DCDC1: variants seen among roughly 807,000 people sequenced by gnomAD.
The protein encoded by DCDC1 is doublecortin domain-containing protein 1.
DCDC1 carries 200 observed loss-of-function variants against 178.3 expected under a neutral mutation model. That is an observed-to-expected ratio of 1.12 (90% CI 1.00 to 1.26). The LOEUF is 1.26. Ranked by LOEUF, DCDC1 falls within the 50% of genes most tolerant of loss-of-function variation. The pLI is 0.00. For synonymous variants in DCDC1, 690 were observed against 604.8 expected, an observed-to-expected ratio of 1.14 and a Z score of -2.07; for missense variants, 1,983 against 1,749.2, an observed-to-expected ratio of 1.13 and a Z score of -2.38.
At chr11:30,882,693 A>T (rs1292566017) in intron 36 of DCDC1, 1 of 152,184 alleles carries the variant, frequency 6.6e-6, no homozygotes, top group East Asian at 1.9e-4. Flanking sequence ...TCTGTCTGTT[A>T]TCAAAAGATC....
At position 30,911,364 on chromosome 11, in the gene DCDC1, G is replaced by A. The variant is rs777697222; in HGVS notation, c.3710C>T (p.Thr1237Ile). The change falls in exon 28 of 39, where the codon ACT becomes ATT. Residue 1237 changes from threonine (T) to isoleucine (I), a missense_variant. Coordinates refer to ENST00000684477, the MANE Select transcript of DCDC1 (RefSeq NM_001387274.1). ...DLVLAVSMTK[T>I]RNEVCGYPVI... is the part of the protein sequence containing the mutation. ...TGGATAGCCACAAACTTCATTTCTAGTCTTGGTCATAGACACTGCCAGCAC... is the reference window on the plus strand; with the variant it reads ...TGGATAGCCACAAACTTCATTTCTAATCTTGGTCATAGACACTGCCAGCAC... 2 of 1,606,120 alleles carry A rather than the reference G, an allele frequency of 1.2e-6. No individual in the cohort carries two copies. Among genetic ancestry groups the A allele is most frequent in the East Asian group, 2.2e-5 (1 of 44,672 alleles).
At chr11:31,024,143 ATGAT>A (rs779590538) in intron 20 of DCDC1, among the ~76,000 whole-genome samples, 4 of 152,052 alleles carry the variant, frequency 2.6e-5, no homozygotes, top group African/African-American at 4.8e-5. Context: ...CTATAGGATA[ATGAT>A]TGATTGTGTT....
chr11:31,105,198 A>C (rs7115522), intron 13 of DCDC1, among the ~76,000 whole-genome samples: 77,590 of 151,820 alleles, frequency 0.51, 20,090 homozygotes, highest in East Asian at 0.67. Flanking sequence ...GGAAACCAAA[A>C]AAATACATTA....
At chr11:31,330,831 T>A (rs1291243359) in intron 2 of DCDC1, among the ~76,000 whole-genome samples, 3 of 152,216 alleles carry the variant, frequency 2.0e-5, no homozygotes, top group Admixed American at 6.5e-5. Flanking sequence ...TCAGGTAGCG[T>A]AATGTCTCCA....
intron 1 of DCDC1, among the ~76,000 whole-genome samples, chr11:31,357,134 A>G (rs1384383530): frequency 6.6e-6 from 1 of 152,140 alleles, no homozygotes; most frequent in Admixed American, 6.5e-5. Context: ...GACACAACCA[A>G]AAAAGAGAAT....
At chr11:31,363,862 T>C (rs1261761739) in intron 1 of DCDC1, among the ~76,000 whole-genome samples, 1 of 152,192 alleles carries the variant, frequency 6.6e-6, no homozygotes, top group African/African-American at 2.4e-5. Flanking sequence ...AGCCAGTACC[T>C]GACTTAGGAT....
At position 30,906,947 on chromosome 11, in the gene DCDC1, T is replaced by C. The variant is rs1360099816; in HGVS notation, c.3919-222A>G. Among the ~76,000 whole-genome samples, 4 of 152,080 alleles carry C rather than the reference T, an allele frequency of 2.6e-5. No homozygotes were observed. The East Asian group carries it at 7.7e-4, about 29-fold the overall frequency. On this transcript the variant is annotated intron_variant, in intron 29 of 38. Coordinates refer to ENST00000684477, the MANE Select transcript of DCDC1 (RefSeq NM_001387274.1). ...AACGACAATTCGACACCAATGAATA[T>C]AAACTATGTGCAAAATCAGCTTCTT...
intron 21 of DCDC1, among the ~76,000 whole-genome samples, chr11:30,947,980 T>C (rs182487089): frequency 1.3e-5 from 2 of 152,160 alleles, no homozygotes; most frequent in Non-Finnish European, 2.9e-5. Context: ...CTATTCAACA[T>C]AGTATTGGAA....
At chr11:31,290,477 G>C (rs929114818) in intron 7 of DCDC1, among the ~76,000 whole-genome samples, 170 bp downstream of exon 7, 2 of 151,892 alleles carry the variant, frequency 1.3e-5, no homozygotes, top group African/African-American at 4.8e-5. Flanking sequence ...TGGTATTAGT[G>C]CAATAAGCAG....
intron 9 of DCDC1, among the ~76,000 whole-genome samples, chr11:31,183,824 A>G (rs1340769498): frequency 1.3e-5 from 2 of 152,224 alleles, no homozygotes; most frequent in Non-Finnish European, 2.9e-5. Flanking sequence ...ATGTTCATGG[A>G]TAGGAAGAAT....
intron 1 of DCDC1, among the ~76,000 whole-genome samples, chr11:31,359,492 A>C (rs1309707237): frequency 4.0e-5 from 6 of 151,808 alleles, no homozygotes; most frequent in African/African-American, 1.5e-4. Context: ...CTAGATGACG[A>C]GTTAGTGGGT....
chr11:30,982,880 G>A (rs897429300), intron 20 of DCDC1, among the ~76,000 whole-genome samples: 2 of 152,074 alleles, frequency 1.3e-5, no homozygotes, highest in African/African-American at 4.8e-5. Context: ...CAAATAGGGT[G>A]GAAAAGCCAG....
intron 38 of DCDC1, among the ~76,000 whole-genome samples, chr11:30,870,507 T>C (rs965669534): frequency 1.3e-5 from 2 of 152,096 alleles, no homozygotes; most frequent in Non-Finnish European, 2.9e-5. Context: ...AAAATAAAAA[T>C]TCACAATGGG....
At chr11:30,871,905 CACACATATATGT>C (rs1279184952) in intron 38 of DCDC1, among the ~76,000 whole-genome samples, 1 of 151,808 alleles carries the variant, frequency 6.6e-6, no homozygotes, top group Admixed American at 6.6e-5. Flanking sequence ...CATATATATA[CACACATATATGT>C]ACACATATAT....
At chr11:30,903,355 G>A (rs868089864) in intron 32 of DCDC1, 127 bp downstream of exon 32, 18 of 892,154 alleles carry the variant, frequency 2.0e-5, no homozygotes, top group East Asian at 1.2e-4. Context: ...GACACTCTTC[G>A]GGTCACAAAA....
At chr11:31,094,019 T>C in intron 16 of DCDC1, 31 bp downstream of exon 16, 1 of 756,040 alleles carries the variant, frequency 1.3e-6, no homozygotes, top group Non-Finnish European at 2.4e-6. Flanking sequence ...CAAGGGGAGG[T>C]CACTCAGCAA....
intron 23 of DCDC1, among the ~76,000 whole-genome samples, chr11:30,924,105 G>C (rs1946441459): frequency 1.3e-5 from 2 of 152,064 alleles, no homozygotes; most frequent in South Asian, 4.2e-4. Context: ...TGCCATGGTG[G>C]CCTCATCTAT....
At chr11:30,924,658 C>G (rs976953612) in intron 23 of DCDC1, among the ~76,000 whole-genome samples, 2 of 152,022 alleles carry the variant, frequency 1.3e-5, no homozygotes, top group Non-Finnish European at 2.9e-5. Flanking sequence ...TTGAAGGTCT[C>G]AAAAAGAGTA....
At chr11:30,928,717 AT>A (rs1309214527) in intron 22 of DCDC1, among the ~76,000 whole-genome samples, 1 of 149,828 alleles carries the variant, frequency 6.7e-6, no homozygotes, top group Non-Finnish European at 1.5e-5. Flanking sequence ...CATTTTAAAT[AT>A]TACATAACAT....
Sources: allele counts gnomAD v4.1 joint callset (sites outside exome capture counted in the v4.1 genomes callset), GRCh38; gene constraint gnomAD v4.1.1; transcripts MANE v1.5; gene names NCBI Gene and HGNC (gene_info 2026-07-23, HGNC 2026-07-21).